Variants in IP6K2 observed in about 807,000 individuals in gnomAD.
IP6K2 encodes the protein ATP:1D-myo-inositol-hexakisphosphate phosphotransferase.
IP6K2 carries 9 observed loss-of-function variants against 43.3 expected under a neutral mutation model. The ratio of observed to expected loss-of-function variants is 0.21; its 90% CI spans 0.13 to 0.36. IP6K2 has a LOEUF of 0.36. Among genes scored for constraint, IP6K2 ranks in the 10% least tolerant of loss-of-function variants. IP6K2 has a pLI of 1.00. For missense variants in IP6K2, 332 were observed against 538.4 expected (o/e 0.62, Z 3.79); for synonymous variants, 209 against 202.4 (o/e 1.03, Z -0.28).
In IP6K2 at chr3:48,695,318, G is replaced by T; in HGVS notation, c.-27C>A. On this transcript the variant is annotated 5_prime_UTR_variant, in exon 2 of 6. Transcript: ENST00000328631. The surrounding 1 kb of genome is among the most constrained non-coding windows in gnomAD (Gnocchi z 4.6). The stretch of plus-strand genomic sequence containing the variant: ...CTCCGGGCGCAGATGGCGGGGAGAT[G>T]GGGGAGGCAGCGGAGTCCAGCGGCC... 1 of 1,596,148 alleles carries T rather than the reference G, an allele frequency of 6.3e-7. No homozygotes were observed. The highest frequency in any genetic ancestry group is 1.1e-5 in the South Asian group (1 of 89,902).
intron 2 of IP6K2, chr3:48,694,513 C>T (rs1424254106): frequency 6.5e-7 from 1 of 1,538,742 alleles, no homozygotes; most frequent in African/African-American, 1.4e-5. Flanking sequence ...ATGCTGGTGG[C>T]TGCTGATGTC....
Position 48,694,687 on chromosome 3 carries a change from G to A in IP6K2, c.202+403C>T, listed in dbSNP as rs548510443. The A allele has an allele frequency of 3.5e-5, 52 of 1,505,938 alleles. No homozygotes were observed. In the South Asian group the frequency reaches 3.8e-4, roughly 11 times the overall value. The allele number at this position is 1,505,938 out of a possible 1,614,324, so 93.3% of individuals were successfully genotyped here. On this transcript the variant is annotated intron_variant, in intron 2 of 5. Transcript: ENST00000328631. ...TCCATCTGACTCAACGCTGCTCCCC[G>A]GCCTACCTAATTACCCGGGCTTCTG...
chr3:48,716,734 C>A (rs1481137982), intron 1 of IP6K2, among the ~76,000 whole-genome samples: 5 of 152,182 alleles, frequency 3.3e-5, no homozygotes, highest in Admixed American at 3.3e-4. Context: ...ATCCAAAGAT[C>A]CGGGAAGACC....
rs112604793 is a variant in IP6K2, at chr3:48,707,124, C to A, written c.-131+10033G>T. On this transcript the variant is annotated intron_variant, in intron 1 of 5. Transcript: ENST00000328631. ...ATACTAGGTGGTAAGATCATGATTG[C>A]CCGCTTTTCAGTTTTCTGAATGTTT... Among the ~76,000 whole-genome samples, 12 of 152,204 alleles carry A rather than the reference C, an allele frequency of 7.9e-5. 1 individual carries two copies. Among genetic ancestry groups the A allele is most frequent in the African/African-American group, 2.4e-4 (10 of 41,538 alleles).
Position 48,695,052 on chromosome 3 carries a change from TC to T in IP6K2, c.202+37del. The T allele has an allele frequency of 6.2e-7, 1 of 1,614,146 alleles. No homozygotes were observed. ...CATGGCCACGATCTCTCACATCTCC[TC>T]GCCAGTGTGGCAACCCCTCCAGCAG... On this transcript the variant is annotated intron_variant, in intron 2 of 5. Coordinates refer to ENST00000328631, the MANE Select transcript of IP6K2 (RefSeq NM_016291.4). The surrounding 1 kb of genome is among the most constrained non-coding windows in gnomAD (Gnocchi z 4.6).
chr3:48,708,723 T>C (rs1382948877), intron 1 of IP6K2, among the ~76,000 whole-genome samples: 1 of 152,054 alleles, frequency 6.6e-6, no homozygotes, highest in Non-Finnish European at 1.5e-5. Context: ...CAGGTCTCAA[T>C]CTATGAGGGA....
At chr3:48,708,814 G>A (rs1175790976) in intron 1 of IP6K2, among the ~76,000 whole-genome samples, 1 of 152,124 alleles carries the variant, frequency 6.6e-6, no homozygotes, top group Non-Finnish European at 1.5e-5. Flanking sequence ...GCTCACACAC[G>A]TGTAATCCTA....
At chr3:48,707,258 C>T (rs774980645) in intron 1 of IP6K2, among the ~76,000 whole-genome samples, 1 of 152,172 alleles carries the variant, frequency 6.6e-6, no homozygotes, top group Non-Finnish European at 1.5e-5. Context: ...ACACAGATGG[C>T]TGCCTGGCTC....
intron 1 of IP6K2, among the ~76,000 whole-genome samples, chr3:48,700,984 C>A (rs1005624149): frequency 1.3e-5 from 2 of 152,196 alleles, no homozygotes; most frequent in African/African-American, 4.8e-5. Flanking sequence ...AATGCAAAGC[C>A]ACTTTGGAAA....
chr3:48,706,600 A>C (rs956539615), intron 1 of IP6K2, among the ~76,000 whole-genome samples: 3 of 152,158 alleles, frequency 2.0e-5, no homozygotes, highest in Non-Finnish European at 4.4e-5. Context: ...TTGTAAAAGT[A>C]GCACTTTGGG....
At chr3:48,711,940 A>G (rs1024931585) in intron 1 of IP6K2, among the ~76,000 whole-genome samples, 2 of 152,102 alleles carry the variant, frequency 1.3e-5, no homozygotes, top group African/African-American at 4.8e-5. Context: ...TGAACTTACC[A>G]CCACCCCCTG....
chr3:48,695,536 G>A lies in IP6K2; in HGVS notation c.-130-115C>T, dbSNP rs892987374. 2.6e-5 allele frequency: 33 copies of A among 1,264,166 alleles called. No homozygotes were observed. The highest frequency in any genetic ancestry group is 7.3e-5 in the Admixed American group (2 of 27,556). The allele number at this position is 1,264,166 out of a possible 1,614,324, so 78.3% of individuals were successfully genotyped here. A position where few individuals can be genotyped will look rare whatever the true frequency, so the allele number is the denominator to read the frequency against. On this transcript the variant is annotated intron_variant, in intron 1 of 5. Coordinates refer to ENST00000328631, the MANE Select transcript of IP6K2 (RefSeq NM_016291.4). This position sits in a 1 kb window ranked among gnomAD's most constrained non-coding sequence, Gnocchi z 4.6. ...AAAGACAAACAGTCTGAGTTCTTGC[G>A]GGACTCCGCCCATGCCACCCACCTT... is the stretch of plus-strand genomic sequence containing the variant.
chr3:48,695,005 A>T lies in IP6K2; in HGVS notation c.202+85T>A. The T allele has an allele frequency of 4.3e-6, 7 of 1,612,338 alleles. No individual in the cohort carries two copies. Among genetic ancestry groups the T allele is most frequent in the Non-Finnish European group, 5.9e-6 (7 of 1,179,190 alleles). ...CAGAGTGGGAGGGAGTGAGGGCTCC[A>T]GGGATGGCTGCCAGGGCCTTCCATG... On this transcript the variant is annotated intron_variant, in intron 2 of 5. Transcript: ENST00000328631. This position sits in a 1 kb window ranked among gnomAD's most constrained non-coding sequence, Gnocchi z 4.6.
intron 1 of IP6K2, among the ~76,000 whole-genome samples, chr3:48,714,281 G>C (rs571672317): frequency 6.6e-6 from 1 of 152,268 alleles, no homozygotes; most frequent in South Asian, 2.1e-4. Context: ...TGGCCAGACT[G>C]GTCTCAAACT....
chr3:48,699,968 T>C (rs1013740673), intron 1 of IP6K2, among the ~76,000 whole-genome samples: 4 of 152,276 alleles, frequency 2.6e-5, no homozygotes, highest in African/African-American at 7.2e-5. Flanking sequence ...GATGGGAAGA[T>C]TGCTTGAGTT....
intron 1 of IP6K2, among the ~76,000 whole-genome samples, chr3:48,714,125 C>A (rs369427826): frequency 3.2e-4 from 48 of 152,228 alleles, no homozygotes; most frequent in African/African-American, 1.1e-3. Context: ...TCATTAAAAA[C>A]AAAACAAAAC....
rs185222583 is a variant in IP6K2 at position 48,689,996 on chromosome 3, T to A, written c.605-283A>T. 2.4e-3 allele frequency among the ~76,000 whole-genome samples: 368 copies of A among 152,312 alleles called. 1 individual carries two copies. The highest frequency in any genetic ancestry group is 3.8e-3 in the Non-Finnish European group (260 of 68,020). ...GACACACATGCCATCTTCTGAACTC[T>A]TAGCTAAGTGTAGGACTAGGGTCCA... On this transcript the variant is annotated intron_variant, in intron 4 of 5. Coordinates refer to ENST00000328631, the MANE Select transcript of IP6K2 (RefSeq NM_016291.4).
At chr3:48,707,580 A>G (rs1233702551) in intron 1 of IP6K2, among the ~76,000 whole-genome samples, 18 of 152,238 alleles carry the variant, frequency 1.2e-4, no homozygotes, top group Admixed American at 1.1e-3. Flanking sequence ...GATTACAGGC[A>G]TGCGCCACCA....
In IP6K2 at chr3:48,695,596, C is replaced by G. The variant is rs2078249008; in HGVS notation, c.-130-175G>C. 3 of 806,562 alleles carry G rather than the reference C, an allele frequency of 3.7e-6. No homozygotes were observed. The highest frequency in any genetic ancestry group is 5.1e-6 in the Non-Finnish European group (3 of 591,112). The allele number at this position is 806,562 out of a possible 1,614,324, so 50.0% of individuals were successfully genotyped here. A position where few individuals can be genotyped will look rare whatever the true frequency, so the allele number is the denominator to read the frequency against. ...CTTCTCCGGCAGAAAAACAAAAACA[C>G]TATGAGCTCATGGGGCGGGGTTAGA... On this transcript the variant is annotated intron_variant, in intron 1 of 5. Transcript: ENST00000328631. The surrounding 1 kb of genome is among the most constrained non-coding windows in gnomAD (Gnocchi z 4.6).
Sources: allele counts gnomAD v4.1 joint callset (sites outside exome capture counted in the v4.1 genomes callset), GRCh38; gene constraint gnomAD v4.1.1; non-coding constraint Gnocchi (gnomAD v3.1); transcripts MANE v1.5; gene names NCBI Gene and HGNC (gene_info 2026-07-23, HGNC 2026-07-21).